CSMD1: variants seen among roughly 807,000 people sequenced by gnomAD.
The protein encoded by CSMD1 is CUB and sushi domain-containing protein 1.
A neutral mutation model predicts 417.5 loss-of-function variants in CSMD1; 213 were observed. That is an observed-to-expected ratio of 0.51 (90% CI 0.46 to 0.57). CSMD1 has a LOEUF of 0.57. CSMD1 is among the 20% of genes least tolerant of loss of function. The pLI is 0.00. For synonymous variants in CSMD1, 2,862 were observed against 1,736.8 expected (o/e 1.65, Z -16.11); for missense variants, 6,923 against 4,529.7 (o/e 1.53, Z -15.17).
In CSMD1 at chr8:4,031,957, G is replaced by A. The variant is rs374951684; in HGVS notation, c.558C>T (p.Ile186=). The stretch of plus-strand genomic sequence containing the variant: ...ACGATGCACCATTTCCTGGGCTGAC[G>A]ATGCAGGTCAGGATGGCGTGGCCTT... ...ILEGHAILTC[I]VSPGNGASWD... is the part of the protein sequence containing the mutation. The change falls in exon 4 of 70, where the codon ATC becomes ATT. Residue 186 remains isoleucine (I), a synonymous_variant. Transcript: ENST00000635120. 58 of 1,613,960 alleles carry A rather than the reference G, an allele frequency of 3.6e-5. No individual in the cohort carries two copies. Among genetic ancestry groups the A allele is most frequent in the Middle Eastern group, 3.3e-4 (2 of 6,062 alleles).
At chr8:3,101,116 G>C (rs567472562) in intron 46 of CSMD1, among the ~76,000 whole-genome samples, 1 of 150,620 alleles carries the variant, frequency 6.6e-6, no homozygotes, top group Non-Finnish European at 1.5e-5. Context: ...ATCCCCCAAG[G>C]TCCACAGGAT....
intron 8 of CSMD1, among the ~76,000 whole-genome samples, chr8:3,600,703 T>C (rs756521327): frequency 1.8e-4 from 27 of 152,144 alleles, no homozygotes; most frequent in Middle Eastern, 3.2e-3. Flanking sequence ...GCAGGGGCGG[T>C]AATTTTACTG....
chr8:4,178,508 T>C (rs1297519670), intron 3 of CSMD1, among the ~76,000 whole-genome samples: 1 of 151,178 alleles, frequency 6.6e-6, no homozygotes, highest in Admixed American at 6.6e-5. Flanking sequence ...GCATTCCCTT[T>C]GAAAACTGGC....
At position 4,676,921 on chromosome 8, in the gene CSMD1, TAGAG is replaced by T. The variant is rs547308550; in HGVS notation, c.86-39367_86-39364del. On this transcript the variant is annotated intron_variant, in intron 1 of 69. Transcript: ENST00000635120. Reference sequence around the variant, plus strand: ...TAGATATACAGGAATTTTATATACATAGAGAGAGATGATATATATAGAGAAATTA... The same window carrying T: ...TAGATATACAGGAATTTTATATACATAGAGATGATATATATAGAGAAATTA... Among the ~76,000 whole-genome samples, 508 of 148,114 alleles carry T rather than the reference TAGAG, an allele frequency of 3.4e-3. 3 individuals carry two copies. The highest frequency in any genetic ancestry group is 0.011 in the African/African-American group (446 of 40,782).
At chr8:4,935,522 A>T (rs1807555533) in intron 1 of CSMD1, among the ~76,000 whole-genome samples, 1 of 152,252 alleles carries the variant, frequency 6.6e-6, no homozygotes, top group Admixed American at 6.5e-5. Flanking sequence ...GAATGAACGA[A>T]TGAATGAATA....
intron 26 of CSMD1, among the ~76,000 whole-genome samples, chr8:3,260,798 G>C (rs548619822): frequency 1.7e-4 from 26 of 152,218 alleles, no homozygotes; most frequent in Admixed American, 2.6e-4. Flanking sequence ...GAATAAATGA[G>C]ACTTCATCAA....
chr8:3,447,126 A>C (rs1292504835), intron 12 of CSMD1, among the ~76,000 whole-genome samples: 1 of 152,234 alleles, frequency 6.6e-6, no homozygotes, highest in Non-Finnish European at 1.5e-5. Flanking sequence ...AAACATCAAA[A>C]GCACAACAGA....
chr8:3,947,344 A>T (rs764991837), intron 5 of CSMD1, among the ~76,000 whole-genome samples: 3 of 152,190 alleles, frequency 2.0e-5, no homozygotes, highest in Non-Finnish European at 2.9e-5. Context: ...GATTTTCAAG[A>T]ATGTTAAACC....
intron 3 of CSMD1, among the ~76,000 whole-genome samples, chr8:4,201,390 T>C (rs1317893675): frequency 6.6e-6 from 1 of 151,790 alleles, no homozygotes; most frequent in African/African-American, 2.4e-5. Context: ...TACAAAAAAT[T>C]AGCCGGGGGT....
At chr8:3,062,026 C>G (rs1385333775) in intron 49 of CSMD1, among the ~76,000 whole-genome samples, 2 of 152,128 alleles carry the variant, frequency 1.3e-5, no homozygotes, top group Non-Finnish European at 2.9e-5. Context: ...TGTATATTTA[C>G]TGTTATTTTC....
rs200744652 is a variant in CSMD1, at chr8:3,414,145, GAAA to G, written c.1562-4543_1562-4541del. On this transcript the variant is annotated intron_variant, in intron 12 of 69. Coordinates refer to ENST00000635120, the MANE Select transcript of CSMD1 (RefSeq NM_033225.6). ...CAGAGCGAGACTCCGTTAAAGAAAA[GAAA>G]AAAAAAAAAAAAAGAAGCAAACACT... Among the ~76,000 whole-genome samples, 11 of 46,766 alleles carry G rather than the reference GAAA, an allele frequency of 2.4e-4. 1 individual carries two copies. The highest frequency in any genetic ancestry group is 1.5e-3 in the East Asian group (4 of 2,708). 30.7% of individuals were successfully genotyped at this position (46,766 alleles called of 152,430 possible). A position where few individuals can be genotyped will look rare whatever the true frequency, so the allele number is the denominator to read the frequency against.
intron 54 of CSMD1, among the ~76,000 whole-genome samples, chr8:2,979,929 A>C (rs1805263774): frequency 6.6e-6 from 1 of 152,188 alleles, no homozygotes; most frequent in African/African-American, 2.4e-5. Flanking sequence ...ATTGTAACCA[A>C]ATCTCTGAAA....
In CSMD1 at chr8:3,179,762, G is replaced by T. The variant is rs540145479; in HGVS notation, c.5725+1348C>A. On this transcript the variant is annotated intron_variant, in intron 37 of 69. Coordinates refer to ENST00000635120, the MANE Select transcript of CSMD1 (RefSeq NM_033225.6). ...GCTTATGTTTTTCTATCTACAGAGAGTCACAAAGTATATCAAAGTAGCAGA... is the reference window on the plus strand; with the variant it reads ...GCTTATGTTTTTCTATCTACAGAGATTCACAAAGTATATCAAAGTAGCAGA... 3.8e-4 allele frequency among the ~76,000 whole-genome samples: 58 copies of T among 152,270 alleles called. 1 individual carries two copies. The South Asian group carries it at 6.6e-3, about 17-fold the overall frequency.
At chr8:4,109,792 G>C (rs1049298402) in intron 3 of CSMD1, among the ~76,000 whole-genome samples, 11 of 152,224 alleles carry the variant, frequency 7.2e-5, no homozygotes, top group Middle Eastern at 3.4e-3. Context: ...CATTGACTGA[G>C]AGACTAAACA....
intron 1 of CSMD1, among the ~76,000 whole-genome samples, chr8:4,750,789 T>C (rs1218954349): frequency 6.6e-6 from 1 of 152,160 alleles, no homozygotes; most frequent in African/African-American, 2.4e-5. Context: ...CATAAAATGT[T>C]TCGTTGGTTG....
intron 2 of CSMD1, among the ~76,000 whole-genome samples, chr8:4,470,304 A>G: frequency 6.6e-6 from 1 of 151,858 alleles, no homozygotes; most frequent in East Asian, 1.9e-4. Context: ...TTCAACCTTT[A>G]TTTCATGCTA....
At chr8:3,645,565 A>C (rs1031290319) in intron 7 of CSMD1, among the ~76,000 whole-genome samples, 1 of 152,178 alleles carries the variant, frequency 6.6e-6, no homozygotes, top group Non-Finnish European at 1.5e-5. Flanking sequence ...GGGAAGTGTC[A>C]GTCTTCTGCA....
chr8:3,760,591 CTG>C (rs1440262912), intron 5 of CSMD1, among the ~76,000 whole-genome samples: 2 of 152,192 alleles, frequency 1.3e-5, no homozygotes, highest in Non-Finnish European at 2.9e-5. Context: ...TTACAGCACT[CTG>C]TATGTATGAC....
At chr8:4,779,974 C>A (rs1324475482) in intron 1 of CSMD1, among the ~76,000 whole-genome samples, 2 of 151,394 alleles carry the variant, frequency 1.3e-5, no homozygotes, top group Admixed American at 6.6e-5. Flanking sequence ...TAAATAAATT[C>A]TTGGCTTTTC....
Sources: allele counts gnomAD v4.1 joint callset (sites outside exome capture counted in the v4.1 genomes callset), GRCh38; gene constraint gnomAD v4.1.1; transcripts MANE v1.5; gene names NCBI Gene and HGNC (gene_info 2026-07-23, HGNC 2026-07-21).